The following CELF2 variants were observed in gnomAD, a reference collection of about 807,000 sequenced individuals.
CELF2 encodes CUG triplet repeat RNA-binding protein 2.
A neutral mutation model predicts 62.6 loss-of-function variants in CELF2; 8 were observed. That is an observed-to-expected ratio of 0.13 (90% CI 0.07 to 0.23). The LOEUF (loss-of-function observed/expected upper bound fraction) is 0.23. Ranked by LOEUF, CELF2 falls within the 10% of genes least tolerant of loss-of-function variation. The pLI is 1.00. For missense variants in CELF2, 333 were observed against 671.0 expected (o/e 0.50, Z 5.56); for synonymous variants, 258 against 250.0 (o/e 1.03, Z -0.30).
chr10:10,949,572 A>G (rs760911417), intron 2 of CELF2, among the ~76,000 whole-genome samples: 2 of 151,914 alleles, frequency 1.3e-5, no homozygotes, highest in Non-Finnish European at 2.9e-5. Context: ...CAGATGGATC[A>G]CTTGAGGCCA....
At chr10:10,658,484 C>A in the CELF2 span, among the ~76,000 whole-genome samples, 1 of 152,164 alleles carries the variant, frequency 6.6e-6, no homozygotes, top group Non-Finnish European at 1.5e-5. Context: ...CAACATAAAT[C>A]TATACATGCT....
the CELF2 span, among the ~76,000 whole-genome samples, chr10:10,541,272 ATATAAAGGCTCTCTGG>A: frequency 6.6e-6 from 1 of 151,040 alleles, no homozygotes; most frequent in Non-Finnish European, 1.5e-5. Flanking sequence ...ACCCACACAC[ATATAAAGGCTCTCTGG>A]AAGATTGCTG....
At chr10:10,833,897 A>G (rs1460312781) in intron 1 of CELF2, among the ~76,000 whole-genome samples, 1 of 152,238 alleles carries the variant, frequency 6.6e-6, no homozygotes, top group Non-Finnish European at 1.5e-5. Flanking sequence ...TGTGGAAAAC[A>G]GTGTGGAAAT....
At chr10:10,661,262 A>G in the CELF2 span, among the ~76,000 whole-genome samples, 2 of 152,218 alleles carry the variant, frequency 1.3e-5, no homozygotes, top group African/African-American at 2.4e-5. Context: ...AAATTGAATC[A>G]TATAGTGTCT....
the CELF2 span, among the ~76,000 whole-genome samples, chr10:10,604,614 T>A: frequency 1.3e-5 from 2 of 152,202 alleles, no homozygotes; most frequent in African/African-American, 4.8e-5. Flanking sequence ...AAGAAGCTAT[T>A]CCCATAGATT....
At chr10:11,065,689 A>G (rs1291848) in intron 1 of CELF2, among the ~76,000 whole-genome samples, 48,995 of 145,982 alleles carry the variant, frequency 0.34, 8,538 homozygotes, top group African/African-American at 0.42. Flanking sequence ...TGAACAAGAC[A>G]GACAAACCCC....
intron 1 of CELF2, among the ~76,000 whole-genome samples, chr10:10,840,599 A>C (rs931880448): frequency 2.6e-5 from 4 of 152,138 alleles, no homozygotes; most frequent in Non-Finnish European, 5.9e-5. Context: ...TTTTGGATAC[A>C]AGTCCTTTAT....
At chr10:10,650,022 A>G in the CELF2 span, among the ~76,000 whole-genome samples, 66,875 of 151,902 alleles carry the variant, frequency 0.44, 15,131 homozygotes, top group South Asian at 0.71. Flanking sequence ...ATGGACTAGG[A>G]CTTTGCTCCA....
At chr10:10,866,631 A>T (rs2060387020) in intron 1 of CELF2, among the ~76,000 whole-genome samples, 1 of 146,848 alleles carries the variant, frequency 6.8e-6, no homozygotes, top group Non-Finnish European at 1.5e-5. Context: ...AAAAAAAAAA[A>T]ATCCAACAAT....
intron 2 of CELF2, among the ~76,000 whole-genome samples, chr10:10,985,954 G>A (rs1219503630): frequency 6.6e-6 from 1 of 152,150 alleles, no homozygotes. Context: ...TCATCCCTAG[G>A]AAATTTGAAG....
chr10:10,818,729 A>C (rs1425211286), intron 1 of CELF2, among the ~76,000 whole-genome samples: 1 of 151,954 alleles, frequency 6.6e-6, no homozygotes, highest in Non-Finnish European at 1.5e-5. Context: ...GATAGCTGCC[A>C]TCATGCCTGG....
At chr10:11,019,923 C>T (rs188935901) in intron 1 of CELF2, among the ~76,000 whole-genome samples, 1 of 152,258 alleles carries the variant, frequency 6.6e-6, no homozygotes, top group Admixed American at 6.5e-5. Flanking sequence ...TTCGCCTAAT[C>T]ATGATTTTGA....
intron 1 of CELF2, among the ~76,000 whole-genome samples, chr10:11,114,840 G>A (rs1012162216): frequency 6.6e-6 from 1 of 152,144 alleles, no homozygotes; most frequent in Non-Finnish European, 1.5e-5. Flanking sequence ...TTTGAGTTCT[G>A]ATCAACCAAA....
chr10:11,219,252 G>A (rs1221466948), intron 3 of CELF2, among the ~76,000 whole-genome samples: 1 of 152,220 alleles, frequency 6.6e-6, no homozygotes, highest in Non-Finnish European at 1.5e-5. Context: ...GAGTGAATAT[G>A]ATGAATGGGG....
At chr10:10,585,549 T>A in the CELF2 span, among the ~76,000 whole-genome samples, 1 of 152,220 alleles carries the variant, frequency 6.6e-6, no homozygotes, top group South Asian at 2.1e-4. Flanking sequence ...GTGCAGTATT[T>A]GTGCAACATT....
At chr10:11,086,651 C>T (rs2046902033) in intron 1 of CELF2, among the ~76,000 whole-genome samples, 1 of 141,750 alleles carries the variant, frequency 7.1e-6, no homozygotes, top group Non-Finnish European at 1.5e-5. Context: ...AGATGCACAG[C>T]CTGAGCAATA....
At chr10:10,707,964 CT>C in the CELF2 span, among the ~76,000 whole-genome samples, 1 of 152,072 alleles carries the variant, frequency 6.6e-6, no homozygotes, top group Admixed American at 6.6e-5. Context: ...TAGATACTAT[CT>C]TTAACGTATA....
chr10:10,968,464 T>C (rs1263813930), intron 2 of CELF2, among the ~76,000 whole-genome samples: 2 of 152,202 alleles, frequency 1.3e-5, no homozygotes, highest in East Asian at 3.8e-4. Context: ...TCTCCTGTTG[T>C]CGAAATGGAG....
intron 9 of CELF2, among the ~76,000 whole-genome samples, chr10:11,289,918 T>A (rs2092236881): frequency 6.6e-6 from 1 of 152,198 alleles, no homozygotes; most frequent in African/African-American, 2.4e-5. Flanking sequence ...CCTCCCAACT[T>A]AGATTTCACA....
Sources: allele counts gnomAD v4.1 joint callset (sites outside exome capture counted in the v4.1 genomes callset), GRCh38; gene constraint gnomAD v4.1.1; transcripts MANE v1.5; gene names NCBI Gene and HGNC (gene_info 2026-07-23, HGNC 2026-07-21).